The following NCAM1 variants were observed in gnomAD, a reference collection of about 807,000 sequenced individuals.
The protein encoded by NCAM1 is neural cell adhesion molecule 1, also known as antigen recognized by monoclonal antibody 5.1H11.
Under a neutral mutation model 109.8 loss-of-function variants are expected in NCAM1, and 14 were observed. That is an observed-to-expected ratio of 0.13 (90% confidence interval 0.08 to 0.20). The LOEUF is 0.20. Among genes scored for constraint, NCAM1 ranks in the 10% least tolerant of loss-of-function variants. The pLI is 1.00. For synonymous variants in NCAM1, 418 were observed against 442.9 expected, an observed-to-expected ratio of 0.94 and a Z score of 0.70; for missense variants, 774 against 1,109.9, an observed-to-expected ratio of 0.70 and a Z score of 4.30.
intron 9 of NCAM1, 170 bp from the exon 10 acceptor site, chr11:113,231,475 T>C: frequency 1.1e-6 from 1 of 875,818 alleles, no homozygotes; most frequent in Non-Finnish European, 1.7e-6. Flanking sequence ...GCCTCCCCCA[T>C]TAGATGGTAC....
At position 113,240,620 on chromosome 11, in the gene NCAM1, C is replaced by T. The variant is rs949793149; in HGVS notation, c.1825+5456C>T. The stretch of plus-strand genomic sequence containing the variant: ...TGACGTTAGAGAGAGCCCTGCTCCT[C>T]GCTAGTGCCCTGGCCAGCTGTTCAC... On this transcript the variant is annotated intron_variant, in intron 14 of 19. Coordinates refer to ENST00000316851, the MANE Select transcript of NCAM1 (RefSeq NM_181351.5). The T allele has an allele frequency of 4.0e-5, 27 of 675,710 alleles. No homozygotes were observed. The East Asian group carries it at 5.3e-4, about 13-fold the overall frequency. 41.9% of individuals were successfully genotyped at this position (675,710 alleles called of 1,614,324 possible).
intron 13 of NCAM1, among the ~76,000 whole-genome samples, chr11:113,234,794 T>C (rs373723109): frequency 5.6e-4 from 85 of 152,346 alleles, no homozygotes; most frequent in African/African-American, 2.0e-3. Context: ...GCCATCTGTA[T>C]CTGTCATTTG....
chr11:113,249,089 C>T (rs1591457584), intron 15 of NCAM1, among the ~76,000 whole-genome samples: 1 of 152,192 alleles, frequency 6.6e-6, no homozygotes, highest in African/African-American at 2.4e-5. Context: ...ATGGCGCCCT[C>T]CCCAGCCATT....
intron 5 of NCAM1, among the ~76,000 whole-genome samples, chr11:113,206,464 TA>T (rs78575294): frequency 0.086 from 13,038 of 152,114 alleles, 612 homozygotes; most frequent in East Asian, 0.2. Flanking sequence ...GCTTACCTAT[TA>T]ATCCTCATTG....
intron 1 of NCAM1, among the ~76,000 whole-genome samples, chr11:113,101,611 A>G (rs1555091545): frequency 1.3e-5 from 2 of 152,164 alleles, no homozygotes; most frequent in African/African-American, 4.8e-5. Context: ...TGAATGAACC[A>G]TTTATTTTCT....
At position 113,192,450 on chromosome 11, in the gene NCAM1, C is replaced by A. The variant is rs535539712; in HGVS notation, c.53-9929C>A. Among the ~76,000 whole-genome samples, 33 of 152,260 alleles carry A rather than the reference C, an allele frequency of 2.2e-4. No homozygotes were observed. In the South Asian group the frequency reaches 6.4e-3, roughly 30 times the overall value. ...GGTGGCCTGAAAAGGGAGCAAGAAA[C>A]CTGAGCTTCTGTTAAAAAGTGCCCC... On this transcript the variant is annotated intron_variant, in intron 1 of 19. Transcript: ENST00000316851.
At chr11:113,160,765 G>A (rs1038222910) in intron 1 of NCAM1, among the ~76,000 whole-genome samples, 59 of 152,134 alleles carry the variant, frequency 3.9e-4, no homozygotes, top group Non-Finnish European at 8.8e-5. Context: ...GTCACTGAGG[G>A]CTCTGCTTAT....
intron 14 of NCAM1, chr11:113,240,488 G>A (rs1945289026): frequency 9.2e-6 from 4 of 432,942 alleles, no homozygotes; most frequent in Non-Finnish European, 1.2e-5. Context: ...AGCTGGTCCT[G>A]CTGAACTGGA....
rs5794851 is a variant in NCAM1 at position 113,173,591 on chromosome 11, G to GATATAT, written c.53-28757_53-28752dup. Among the ~76,000 whole-genome samples, 497 of 126,624 alleles carry GATATAT rather than the reference G, an allele frequency of 3.9e-3. 7 individuals are homozygous for GATATAT. Among genetic ancestry groups the GATATAT allele is most frequent in the Non-Finnish European group, 5.2e-3 (312 of 59,800 alleles). 83.1% of individuals were successfully genotyped at this position (126,624 alleles called of 152,430 possible). On this transcript the variant is annotated intron_variant, in intron 1 of 19. Transcript: ENST00000316851. The stretch of plus-strand genomic sequence containing the variant: ...TATGACTAATATTAGCATGTTACCT[G>GATATAT]ATATATATATATATATATATATATA...
chr11:113,176,839 A>AC (rs1217551182), intron 1 of NCAM1, among the ~76,000 whole-genome samples: 1 of 152,192 alleles, frequency 6.6e-6, no homozygotes, highest in African/African-American at 2.4e-5. Flanking sequence ...TTTCCACTGT[A>AC]CCATAAAAAA....
chr11:113,000,496 T>C (rs1159943012), intron 1 of NCAM1, among the ~76,000 whole-genome samples: 1 of 152,034 alleles, frequency 6.6e-6, no homozygotes, highest in Non-Finnish European at 1.5e-5. Flanking sequence ...AACCAAAACA[T>C]GATCAGGTGA....
At chr11:113,188,477 G>A (rs1298243316) in intron 1 of NCAM1, among the ~76,000 whole-genome samples, 1 of 152,206 alleles carries the variant, frequency 6.6e-6, no homozygotes, top group Non-Finnish European at 1.5e-5. Context: ...AGGAATAGAA[G>A]AGAACTGAAA....
At chr11:113,099,717 C>T (rs1049910746) in intron 1 of NCAM1, among the ~76,000 whole-genome samples, 3 of 152,144 alleles carry the variant, frequency 2.0e-5, no homozygotes, top group Admixed American at 6.5e-5. Flanking sequence ...GAGATGGAGT[C>T]TCTCTCTGTC....
chr11:113,170,808 G>A (rs1942964308), intron 1 of NCAM1, among the ~76,000 whole-genome samples: 1 of 152,160 alleles, frequency 6.6e-6, no homozygotes, highest in African/African-American at 2.4e-5. Context: ...ATTCTCTTTG[G>A]TGGAAAATGA....
At chr11:113,055,993 A>ATATATG (rs2135442048) in intron 1 of NCAM1, among the ~76,000 whole-genome samples, 1 of 72,298 alleles carries the variant, frequency 1.4e-5, no homozygotes, top group East Asian at 4.8e-4. Flanking sequence ...ATATATATAT[A>ATATATG]TATATATATA....
At chr11:113,156,926 G>C (rs1942427979) in intron 1 of NCAM1, among the ~76,000 whole-genome samples, 1 of 152,114 alleles carries the variant, frequency 6.6e-6, no homozygotes, top group African/African-American at 2.4e-5. Flanking sequence ...TTAGGGAATG[G>C]AAAAGGTACT....
rs193282575 is a variant in NCAM1 at position 113,134,080 on chromosome 11, C to T, written c.53-68299C>T. 10 of 152,124 alleles carry T rather than the reference C, an allele frequency of 6.6e-5. No homozygotes were observed. The East Asian group carries it at 1.2e-3, about 18-fold the overall frequency. The allele number at this position is 152,124 out of a possible 1,614,324, so 9.4% of individuals were successfully genotyped here. ...ATTTTAACAATGTTGTGAAATAGAT[C>T]TCCAGAAGTTTTTCATCTTGTAAAA... On this transcript the variant is annotated intron_variant, in intron 1 of 19. Coordinates refer to ENST00000316851, the MANE Select transcript of NCAM1 (RefSeq NM_181351.5).
intron 14 of NCAM1, among the ~76,000 whole-genome samples, chr11:113,236,053 C>A (rs1555118219): frequency 6.6e-6 from 1 of 152,196 alleles, no homozygotes; most frequent in East Asian, 1.9e-4. Context: ...TTGCTTCCTT[C>A]TTTTTGAAGC....
At chr11:113,171,672 G>A (rs1047742564) in intron 1 of NCAM1, among the ~76,000 whole-genome samples, 1 of 136,448 alleles carries the variant, frequency 7.3e-6, no homozygotes. Context: ...AATAAATAAA[G>A]AGAAGAGATA....
Sources: allele counts gnomAD v4.1 joint callset (sites outside exome capture counted in the v4.1 genomes callset), GRCh38; gene constraint gnomAD v4.1.1; transcripts MANE v1.5; gene names NCBI Gene and HGNC (gene_info 2026-07-23, HGNC 2026-07-21).